PDE4B: variants seen among roughly 807,000 people sequenced by gnomAD.
The protein encoded by PDE4B is phosphodiesterase 4B.
In PDE4B, 20 loss-of-function variants were observed where a neutral mutation model predicts 82.2. The observed-to-expected ratio is 0.24, with a 90% confidence interval of 0.17 to 0.35. PDE4B has a LOEUF of 0.35. PDE4B is among the 10% of genes least tolerant of loss of function. The pLI is 1.00. For missense variants in PDE4B, 655 were observed against 907.2 expected, an observed-to-expected ratio of 0.72 and a Z score of 3.57; for synonymous variants, 320 against 318.9, an observed-to-expected ratio of 1.00 and a Z score of -0.04.
intron 9 of PDE4B, chr1:66,360,290 G>A (rs564100595): frequency 1.3e-5 from 2 of 152,140 alleles, no homozygotes; most frequent in South Asian, 4.2e-4. Context: ...TAATTCCCTT[G>A]CTTCAGTCCC....
chr1:65,961,470 C>T (rs1199193558), intron 3 of PDE4B, among the ~76,000 whole-genome samples: 5 of 152,068 alleles, frequency 3.3e-5, no homozygotes, highest in Non-Finnish European at 7.4e-5. Context: ...TTTATAGCTC[C>T]TCTTTTATAG....
chr1:65,949,239 T>C (rs2100566892), intron 3 of PDE4B, among the ~76,000 whole-genome samples: 1 of 152,264 alleles, frequency 6.6e-6, no homozygotes, highest in African/African-American at 2.4e-5. Flanking sequence ...GCATGTCTTA[T>C]GGGCCTCCCT....
At chr1:65,884,725 A>T (rs1278614233) in intron 1 of PDE4B, among the ~76,000 whole-genome samples, 2 of 152,234 alleles carry the variant, frequency 1.3e-5, no homozygotes, top group Non-Finnish European at 2.9e-5. Context: ...TGGATTAAAG[A>T]CTTGAATGTT....
chr1:65,824,303 A>G (rs1645989940), intron 1 of PDE4B, among the ~76,000 whole-genome samples: 1 of 152,200 alleles, frequency 6.6e-6, no homozygotes, highest in Admixed American at 6.5e-5. Flanking sequence ...AAGCAAACAT[A>G]TTTAATATTG....
rs147438083 is a variant in PDE4B at position 65,840,787 on chromosome 1, G to A, written c.-71+47539G>A. 2.9e-3 allele frequency among the ~76,000 whole-genome samples: 444 copies of A among 152,228 alleles called. 4 individuals are homozygous for A. The highest frequency in any genetic ancestry group is 9.7e-3 in the African/African-American group (404 of 41,540). ...CATATTTTTCACCTCTGTACTTTTG[G>A]TACCTAGCATAGAGCTGAACTCGTA... On this transcript the variant is annotated intron_variant, in intron 1 of 16. Coordinates refer to ENST00000341517, the MANE Select transcript of PDE4B (RefSeq NM_002600.4).
At chr1:66,336,671 A>G (rs1660541889) in intron 8 of PDE4B, among the ~76,000 whole-genome samples, 2 of 151,660 alleles carry the variant, frequency 1.3e-5, no homozygotes, top group Non-Finnish European at 1.5e-5. Flanking sequence ...AGAATGAAGC[A>G]TTAGGACTTA....
intron 3 of PDE4B, among the ~76,000 whole-genome samples, chr1:66,202,696 T>C (rs376087984): frequency 5.9e-5 from 9 of 152,006 alleles, no homozygotes; most frequent in African/African-American, 9.6e-5. Context: ...TTTCCATTTG[T>C]TTGGTAGATC....
chr1:66,033,227 A>T (rs1481473192), intron 3 of PDE4B, among the ~76,000 whole-genome samples: 2 of 152,106 alleles, frequency 1.3e-5, no homozygotes, highest in Non-Finnish European at 2.9e-5. Context: ...AAGTCACTTT[A>T]ATCTCAAGAC....
At chr1:66,003,496 C>T (rs992621651) in intron 3 of PDE4B, among the ~76,000 whole-genome samples, 3 of 152,154 alleles carry the variant, frequency 2.0e-5, no homozygotes, top group South Asian at 2.1e-4. Flanking sequence ...TTTCAGGATC[C>T]GCATATTAAA....
chr1:66,001,669 T>A (rs578063881), intron 3 of PDE4B, among the ~76,000 whole-genome samples: 28 of 152,250 alleles, frequency 1.8e-4, no homozygotes, highest in Admixed American at 1.2e-3. Context: ...TGGGTAAATA[T>A]CTTAGAGTGG....
chr1:66,310,223 G>A (rs1435901758), intron 7 of PDE4B, among the ~76,000 whole-genome samples: 1 of 152,120 alleles, frequency 6.6e-6, no homozygotes, highest in Admixed American at 6.6e-5. Context: ...ACATCATTTG[G>A]TACAACACCC....
chr1:66,334,832 A>G (rs1660387960), intron 8 of PDE4B, among the ~76,000 whole-genome samples: 1 of 152,186 alleles, frequency 6.6e-6, no homozygotes, highest in Admixed American at 6.5e-5. Context: ...GAGGCCAGGG[A>G]GTGGTGGCTC....
chr1:66,098,365 C>T (rs1224436595), intron 3 of PDE4B, among the ~76,000 whole-genome samples: 1 of 152,152 alleles, frequency 6.6e-6, no homozygotes, highest in Non-Finnish European at 1.5e-5. Flanking sequence ...CTAGCAACTG[C>T]TTTCAGGCTG....
intron 3 of PDE4B, among the ~76,000 whole-genome samples, chr1:66,234,886 A>C (rs1652281771): frequency 6.6e-6 from 1 of 152,058 alleles, no homozygotes; most frequent in Admixed American, 6.5e-5. Flanking sequence ...TTTTTTAATA[A>C]AGGTATTTTA....
In PDE4B at chr1:65,825,705, C is replaced by CCTGTCTGTCTGTCTGTCTGT. The variant is rs752252352; in HGVS notation, c.-71+32459_-71+32460insGTCTGTCTGTCTGTCTGTCT. 7.4e-4 allele frequency among the ~76,000 whole-genome samples: 79 copies of CCTGTCTGTCTGTCTGTCTGT among 107,448 alleles called. 2 individuals carry two copies. The highest frequency in any genetic ancestry group is 2.4e-3 in the African/African-American group (73 of 31,060). 70.5% of individuals were successfully genotyped at this position (107,448 alleles called of 152,430 possible). On this transcript the variant is annotated intron_variant, in intron 1 of 16. Transcript: ENST00000341517. ...TAAAAAAAAATTAAAAACAAAATTACCTATCTATCTATCTATCTATCTATC... is the reference window on the plus strand; with the variant it reads ...TAAAAAAAAATTAAAAACAAAATTACCTGTCTGTCTGTCTGTCTGTCTATCTATCTATCTATCTATCTATC...
intron 3 of PDE4B, among the ~76,000 whole-genome samples, chr1:66,049,548 G>T (rs916825985): frequency 6.6e-6 from 1 of 151,968 alleles, no homozygotes; most frequent in Non-Finnish European, 1.5e-5. Flanking sequence ...CTAGACCTAC[G>T]TTTAATATTT....
intron 3 of PDE4B, among the ~76,000 whole-genome samples, chr1:66,107,601 T>G (rs1036048640): frequency 3.3e-5 from 5 of 152,044 alleles, no homozygotes; most frequent in African/African-American, 1.2e-4. Context: ...TTTGTTAGCA[T>G]TCTTGCTGCA....
chr1:66,011,223 CAA>C (rs11372306), intron 3 of PDE4B, among the ~76,000 whole-genome samples: 6 of 133,752 alleles, frequency 4.5e-5, no homozygotes, highest in East Asian at 2.3e-4. Flanking sequence ...ATTCATCTGC[CAA>C]AAAAAAAAAA....
intron 3 of PDE4B, among the ~76,000 whole-genome samples, chr1:66,038,986 AG>A (rs1284999133): frequency 3.3e-5 from 5 of 152,022 alleles, no homozygotes; most frequent in African/African-American, 1.2e-4. Flanking sequence ...CTATACTCTC[AG>A]GAAGAGTTTT....
Sources: gnomAD v4.1 joint callset for allele counts (sites outside exome capture counted in the v4.1 genomes callset) on GRCh38, gnomAD v4.1.1 for gene constraint, MANE v1.5 for transcripts, NCBI Gene and HGNC (gene_info 2026-07-23, HGNC 2026-07-21) for gene names.